Variants in SRL observed in about 807,000 individuals in gnomAD.
SRL encodes sarcalumenin.
In SRL, 23 loss-of-function variants were observed where a neutral mutation model predicts 39.5. That is an observed-to-expected ratio of 0.58 (90% CI 0.42 to 0.82). The LOEUF (loss-of-function observed/expected upper bound fraction) is 0.82. Among genes scored for constraint, SRL ranks in the 40% least tolerant of loss-of-function variants. The probability of loss-of-function intolerance (pLI) is 0.00; values close to 1 mark genes in which losing one functional copy is unlikely to be tolerated. For synonymous variants in SRL, 272 were observed against 237.4 expected (o/e 1.15, Z -1.34); for missense variants, 592 against 607.8 (o/e 0.97, Z 0.27).
rs1777540730 is a variant in SRL, at chr16:4,190,348, G to A, written c.*1805C>T. On this transcript the variant is annotated 3_prime_UTR_variant, in exon 6 of 6. Transcript: ENST00000399609. ...GGGTCCAGGATGACTTCCTGGTGCT[G>A]AGCTGGTGCATCCTGACTCCTGCCT... 2 of 398,876 alleles carry A rather than the reference G, an allele frequency of 5.0e-6. No individual in the cohort carries two copies. The highest frequency in any genetic ancestry group is 8.8e-5 in the Admixed American group (2 of 22,742). 24.7% of individuals were successfully genotyped at this position (398,876 alleles called of 1,614,324 possible).
At chr16:4,207,826 T>C (rs1390379159) in intron 1 of SRL, 1 of 456,502 alleles carries the variant, frequency 2.2e-6, no homozygotes, top group Non-Finnish European at 4.4e-6. Flanking sequence ...GCAGCGTCCC[T>C]GTCGTCCCTT....
intron 1 of SRL, among the ~76,000 whole-genome samples, chr16:4,236,878 C>T (rs1398054734): frequency 6.6e-6 from 1 of 151,966 alleles, no homozygotes; most frequent in Admixed American, 6.6e-5. Context: ...CTCCTGACCT[C>T]GTGATCTGCC....
chr16:4,195,337 T>C (rs905466327), intron 5 of SRL, among the ~76,000 whole-genome samples: 19 of 152,050 alleles, frequency 1.2e-4, no homozygotes, highest in Non-Finnish European at 5.9e-5. Flanking sequence ...GCTAGGACCA[T>C]AGGCACATGC....
chr16:4,227,633 A>T (rs1256918558), intron 1 of SRL, among the ~76,000 whole-genome samples: 1 of 152,140 alleles, frequency 6.6e-6, no homozygotes, highest in African/African-American at 2.4e-5. Context: ...GCAAAATGGA[A>T]GACCTTCCGT....
At chr16:4,204,200 C>T (rs1418703154) in intron 2 of SRL, among the ~76,000 whole-genome samples, 2 of 152,224 alleles carry the variant, frequency 1.3e-5, no homozygotes, top group Non-Finnish European at 2.9e-5. Context: ...GCTTTATAAA[C>T]TAAAAATCAC....
intron 1 of SRL, among the ~76,000 whole-genome samples, chr16:4,236,005 G>A (rs550603315): frequency 5.3e-5 from 8 of 152,130 alleles, no homozygotes; most frequent in African/African-American, 1.9e-4. Context: ...AGCCCAGGAG[G>A]TGGAGACTGC....
chr16:4,215,821 G>A (rs1323478565), intron 1 of SRL, among the ~76,000 whole-genome samples: 13 of 152,146 alleles, frequency 8.5e-5, no homozygotes, highest in African/African-American at 3.1e-4. Context: ...AACAAAGCAA[G>A]ACCTCTGTCT....
intron 1 of SRL, among the ~76,000 whole-genome samples, chr16:4,219,263 G>A (rs529622618): frequency 1.3e-5 from 2 of 152,226 alleles, no homozygotes; most frequent in Non-Finnish European, 2.9e-5. Flanking sequence ...TCCCATAGGG[G>A]GCCCAGACAA....
At chr16:4,194,408 A>G (rs1227447382) in intron 5 of SRL, among the ~76,000 whole-genome samples, 1 of 152,110 alleles carries the variant, frequency 6.6e-6, no homozygotes, top group Non-Finnish European at 1.5e-5. Context: ...AGACATTAGC[A>G]TTCCCCTGCT....
In SRL at chr16:4,242,007, C is replaced by T; in HGVS notation, c.61G>A (p.Glu21Lys). ...TGGGTCATGCTGGGAGGGGCCCTAC[C>T]TGCTTGTCCTGAGAACAGGAGCGAG... ...LASLLFSGQAEETEDANEEAP... is the reference protein window; with the variant it reads ...LASLLFSGQAKETEDANEEAP... Residue 21 changes from glutamate (E) to lysine (K), a missense_variant and splice_region_variant, in exon 1 of 6, where the codon GAA becomes AAA. Physicochemically the swap from Glu to Lys is moderately conservative, Grantham distance 56. Transcript: ENST00000399609. 1 of 1,613,752 alleles carries T rather than the reference C, an allele frequency of 6.2e-7. No homozygotes were observed. Among genetic ancestry groups the T allele is most frequent in the South Asian group, 1.1e-5 (1 of 91,014 alleles).
At chr16:4,201,147 T>A (rs2052224037) in intron 3 of SRL, among the ~76,000 whole-genome samples, 2 of 148,660 alleles carry the variant, frequency 1.3e-5, no homozygotes, top group African/African-American at 5.0e-5. Context: ...AGGGTCTCAC[T>A]CTGTCGCCCA....
At chr16:4,239,988 C>T (rs896392749) in intron 1 of SRL, among the ~76,000 whole-genome samples, 2 of 152,130 alleles carry the variant, frequency 1.3e-5, no homozygotes, top group African/African-American at 4.8e-5. Flanking sequence ...TGGGCACGGG[C>T]GACGGGTGGT....
At chr16:4,199,356 T>C (rs1438606796) in intron 3 of SRL, among the ~76,000 whole-genome samples, 2 of 142,762 alleles carry the variant, frequency 1.4e-5, no homozygotes, top group Non-Finnish European at 3.0e-5. Context: ...AGCTAACATA[T>C]TCCCCATCTT....
intron 1 of SRL, among the ~76,000 whole-genome samples, chr16:4,232,656 A>G (rs555128449): frequency 6.3e-4 from 96 of 152,256 alleles, no homozygotes; most frequent in Non-Finnish European, 1.2e-3. Context: ...GACCACACGC[A>G]TAGGCCATTA....
chr16:4,194,133 G>A (rs954918533), intron 5 of SRL, among the ~76,000 whole-genome samples: 4 of 152,298 alleles, frequency 2.6e-5, no homozygotes, highest in South Asian at 2.1e-4. Context: ...CTCATGGCAG[G>A]ACTCAGTGGC....
chr16:4,217,554 G>T (rs1034587390), intron 1 of SRL, among the ~76,000 whole-genome samples: 8 of 152,092 alleles, frequency 5.3e-5, no homozygotes, highest in Admixed American at 2.0e-4. Flanking sequence ...CCCCTCCCCT[G>T]CTGTCTTACC....
chr16:4,204,698 G>T (rs62039297), intron 1 of SRL, 64 bp from the exon 2 acceptor site: 2 of 1,465,596 alleles, frequency 1.4e-6, no homozygotes, highest in South Asian at 1.1e-5. Context: ...TCTGGGCCCC[G>T]GCACAGCAGA....
intron 1 of SRL, among the ~76,000 whole-genome samples, chr16:4,216,473 C>G (rs1026860904): frequency 4.6e-5 from 7 of 152,000 alleles, no homozygotes; most frequent in African/African-American, 1.2e-4. Context: ...GGTTTCACCA[C>G]GTTTGCCAGG....
intron 1 of SRL, among the ~76,000 whole-genome samples, chr16:4,235,023 C>T (rs576798732): frequency 2.6e-5 from 4 of 152,352 alleles, no homozygotes; most frequent in South Asian, 2.1e-4. Context: ...CCAGCCTCCA[C>T]TGCAATGAGC....
Sources: allele counts gnomAD v4.1 joint callset (sites outside exome capture counted in the v4.1 genomes callset), GRCh38; gene constraint gnomAD v4.1.1; transcripts MANE v1.5; gene names NCBI Gene and HGNC (gene_info 2026-07-23, HGNC 2026-07-21).